The following TTN variants were observed in gnomAD, a reference collection of about 807,000 sequenced individuals.
TTN encodes connectin.
TTN carries 1,525 observed loss-of-function variants against 3,223.0 expected under a neutral mutation model. The observed-to-expected ratio is 0.47, with a 90% confidence interval of 0.45 to 0.49. The LOEUF is 0.49. TTN is among the 20% of genes least tolerant of loss of function. The pLI is 0.00. For missense variants in TTN, 40,786 were observed against 43,424.0 expected, an observed-to-expected ratio of 0.94 and a Z score of 5.40; for synonymous variants, 14,094 against 15,161.0, an observed-to-expected ratio of 0.93 and a Z score of 5.17.
At chr2:178,606,268 A>G (rs2054783606) in intron 278 of TTN, among the ~76,000 whole-genome samples, 1 of 152,100 alleles carries the variant, frequency 6.6e-6, no homozygotes, top group Non-Finnish European at 1.5e-5. Flanking sequence ...GTTGACTGTT[A>G]TTGCAACCAG....
rs371965190 is a variant in TTN, at chr2:178,565,399, A to C, written c.80733T>G (p.Ile26911Met). Residue 26911 changes from isoleucine (I) to methionine (M), a missense_variant, in exon 326 of 363, where the codon ATT becomes ATG. Physicochemically the swap from Ile to Met is conservative, Grantham distance 10. Transcript: ENST00000589042. ...IPVIGRPRPN[I>M]SWVKDGEPLK... ...GAGGCTCACCATCTTTGACCCAAGA[A>C]ATGTTAGGTCTTGGTCGGCCTATAA... 15 of 1,613,610 alleles carry C rather than the reference A, an allele frequency of 9.3e-6. No individual in the cohort carries two copies. The African/African-American group carries it at 1.9e-4, about 20-fold the overall frequency.
chr2:178,588,915 C>T lies in TTN; in HGVS notation c.62810G>A (p.Arg20937Lys). 6.2e-7 allele frequency: 1 copy of T among 1,613,006 alleles called. No individual in the cohort carries two copies. The highest frequency in any genetic ancestry group is 8.5e-7 in the Non-Finnish European group (1 of 1,179,488). ...RLIEGNEYIFRVRAENKIGTG... is the reference protein window; with the variant it reads ...RLIEGNEYIFKVRAENKIGTG... ...GCCTATTTTATTTTCTGCACGGACT[C>T]TGAAAATATATTCATTTCCTTCTAT... Residue 20937 changes from arginine (R) to lysine (K), a missense_variant, in exon 304 of 363, where the codon AGA becomes AAA. By Grantham distance (26) the Arg-to-Lys change is conservative. Transcript: ENST00000589042.
At chr2:178,679,487 G>GT (rs1377656200) in intron 141 of TTN, 71 bp from the exon 142 acceptor site, 2 of 1,589,820 alleles carry the variant, frequency 1.3e-6, no homozygotes, top group Non-Finnish European at 8.6e-7. Context: ...CACAGCTAAT[G>GT]TTTTTTAACA....
At chr2:178,729,607 G>A (rs1212984858) in intron 63 of TTN, 41 bp from the exon 64 acceptor site, 2 of 1,612,618 alleles carry the variant, frequency 1.2e-6, no homozygotes, top group African/African-American at 2.7e-5. Context: ...CTCAAGGGAA[G>A]ACCCCAAACT....
intron 20 of TTN, 77 bp downstream of exon 20, chr2:178,782,135 G>T (rs1215446297): frequency 3.1e-5 from 47 of 1,533,180 alleles, no homozygotes; most frequent in Non-Finnish European, 3.9e-5. Context: ...GGTCGGTGGG[G>T]TGAGTAAATT....
chr2:178,763,504 T>C (rs4894040), intron 43 of TTN, among the ~76,000 whole-genome samples: 8,175 of 152,294 alleles, frequency 0.054, 366 homozygotes, highest in South Asian at 0.16. Flanking sequence ...CTTGTTTTCA[T>C]AGAGCTTACC....
rs1331766060 is a variant in TTN, at chr2:178,644,603, C to G, written c.40422G>C (p.Lys13474Asn). The change falls in exon 218 of 363, where the codon AAG becomes AAC. Residue 13474 changes from lysine to asparagine, a missense_variant. Transcript: ENST00000589042. ...GAACCTGAGGTTTTTCAGGAACTTT[C>G]TTCTTTGGAATAGCTTTAAAGAATA... ...KIFQLKAIPK[K>N]KVPEKPQVPE... The G allele has an allele frequency of 1.9e-6, 3 of 1,571,874 alleles. No individual in the cohort carries two copies. Among genetic ancestry groups the G allele is most frequent in the Admixed American group, 1.9e-5 (1 of 52,204 alleles).
In TTN at chr2:178,559,319, T is replaced by C; in HGVS notation, c.86813A>G (p.Lys28938Arg). The C allele has an allele frequency of 6.3e-7, 1 of 1,589,602 alleles. No homozygotes were observed. The highest frequency in any genetic ancestry group is 8.6e-7 in the Non-Finnish European group (1 of 1,167,552). Reference protein sequence around the residue: ...GIPAETKEGVKITEKPSPPEK... With the variant: ...GIPAETKEGVRITEKPSPPEK... ...TTATTCTTAAAACATACCTGTTATT[T>C]TTACTCCTTCCTTTGTTTCAGCTGG... Residue 28938 changes from lysine (K) to arginine (R), a missense_variant, in exon 326 of 363, where the codon AAA (lysine) becomes AGA (arginine). Physicochemically the swap from Lys to Arg is conservative, Grantham distance 26. Transcript: ENST00000589042.
In TTN at chr2:178,746,540, G is replaced by A. The variant is rs774271103; in HGVS notation, c.11312-4619C>T. 8.1e-6 allele frequency: 13 copies of A among 1,613,194 alleles called. No homozygotes were observed. The East Asian group carries it at 2.5e-4, about 30-fold the overall frequency. On this transcript the variant is annotated intron_variant, in intron 47 of 362. Transcript: ENST00000589042. ...ATCAAACTCCATGACATGCTGATGTGTTACTGGAGGTGGTAGTGCCACCAC... is the reference window on the plus strand; with the variant it reads ...ATCAAACTCCATGACATGCTGATGTATTACTGGAGGTGGTAGTGCCACCAC...
Position 178,580,410 on chromosome 2 carries a change from A to G in TTN, c.66969T>C (p.Asn22323=). The change falls in exon 317 of 363, where the codon AAT becomes AAC. Residue 22323 remains asparagine (N), a synonymous_variant. Transcript: ENST00000589042. ...TDFDTFLRCE[N]VNKYDAGKYI... ...ATTTTCCTGCATCATATTTGTTCACATTTTCACAGCGCAAGAAAGTGTCAA... is the reference window on the plus strand; with the variant it reads ...ATTTTCCTGCATCATATTTGTTCACGTTTTCACAGCGCAAGAAAGTGTCAA... The G allele has an allele frequency of 6.2e-7, 1 of 1,613,200 alleles. No individual in the cohort carries two copies. Among genetic ancestry groups the G allele is most frequent in the Non-Finnish European group, 8.5e-7 (1 of 1,179,456 alleles).
At chr2:178,537,949 T>G (rs775901327) in intron 354 of TTN, 32 bp from the exon 355 acceptor site, 1 of 1,496,998 alleles carries the variant, frequency 6.7e-7, no homozygotes, top group South Asian at 1.3e-5. Flanking sequence ...ATTAAGTGAC[T>G]GTTAATACTC....
rs1343359960 is a variant in TTN, at chr2:178,750,820, C to G, written c.11311+2304G>C. The G allele has an allele frequency of 2.5e-6, 4 of 1,613,060 alleles. No individual in the cohort carries two copies. In the South Asian group the frequency reaches 3.3e-5, roughly 13 times the overall value. On this transcript the variant is annotated intron_variant, in intron 47 of 362. Transcript: ENST00000589042. Reference sequence around the variant, plus strand: ...CAGGAGTCTCATATACTTCCTCCTTCTCACATACATTAGTGATATATGTGG... The same window carrying G: ...CAGGAGTCTCATATACTTCCTCCTTGTCACATACATTAGTGATATATGTGG...
At position 178,672,074 on chromosome 2, in the gene TTN, A is replaced by G. The variant is rs1553809060; in HGVS notation, c.35124T>C (p.His11708=). 5.0e-6 allele frequency: 8 copies of G among 1,612,156 alleles called. No homozygotes were observed. Among genetic ancestry groups the G allele is most frequent in the Non-Finnish European group, 6.8e-6 (8 of 1,179,052 alleles). The change falls in exon 155 of 363, where the codon CAT becomes CAC. Residue 11708 remains histidine, a synonymous_variant. Coordinates refer to ENST00000589042, the MANE Select transcript of TTN (RefSeq NM_001267550.2). The part of the protein sequence containing the change: ...EVEEFIKLEQ[H]RVEEEHRVEK... ...CAACTCTGTGTTCTTCTTCAACTCT[A>G]TGTTGTTCTAATTTGATGAATTCTT...
chr2:178,747,337 T>G (rs1474081553), intron 47 of TTN: 2 of 1,613,234 alleles, frequency 1.2e-6, no homozygotes, highest in Non-Finnish European at 1.7e-6. Context: ...CTGTCTCACC[T>G]CCTGAATGTA....
chr2:178,671,868 T>C (rs2067047745), intron 155 of TTN, 103 bp downstream of exon 155: 3 of 1,255,970 alleles, frequency 2.4e-6, no homozygotes, highest in African/African-American at 1.5e-5. Context: ...GTTTAAAGTA[T>C]TTCATGGGGT....
rs1452172662 is a variant in TTN at position 178,685,314 on chromosome 2, C to G, written c.32409G>C (p.Glu10803Asp). ...TTTTTGGTTTCAGTACAATTTTCTT[C>G]TCCTGCCTCTCTGTCACTTGAAAAG... ...AEPAEVTERQ[E>D]KKIVLKPKIP... Residue 10803 changes from glutamate (E) to aspartate (D), a missense_variant, in exon 129 of 363, where the codon GAG (glutamate) becomes GAC (aspartate). Transcript: ENST00000589042. 3 of 1,551,408 alleles carry G rather than the reference C, an allele frequency of 1.9e-6. No individual in the cohort carries two copies. Among genetic ancestry groups the G allele is most frequent in the Non-Finnish European group, 2.6e-6 (3 of 1,147,018 alleles).
chr2:178,715,441 C>T (rs2154297842), intron 89 of TTN, 52 bp downstream of exon 89: 3 of 1,558,084 alleles, frequency 1.9e-6, no homozygotes, highest in East Asian at 4.5e-5. Context: ...GTTAAGAGGA[C>T]AATTAAAGAG....
intron 135 of TTN, among the ~76,000 whole-genome samples, chr2:178,682,115 A>G (rs1337837930): frequency 6.6e-6 from 1 of 152,012 alleles, no homozygotes; most frequent in Admixed American, 6.6e-5. Flanking sequence ...CAAAATTTCA[A>G]TAGAGATTTA....
In TTN at chr2:178,616,711, A is replaced by G; in HGVS notation, c.48160+18T>C. ...ATACTGCCAAATCACCTTAGATGAT[A>G]AATGTTTTGTTCCTTACCAATTACA... On this transcript the variant is annotated intron_variant, in intron 256 of 362. Transcript: ENST00000589042. 1 of 1,612,100 alleles carries G rather than the reference A, an allele frequency of 6.2e-7. No individual in the cohort carries two copies. Among genetic ancestry groups the G allele is most frequent in the Non-Finnish European group, 8.5e-7 (1 of 1,179,026 alleles).
Sources: allele counts gnomAD v4.1 joint callset (sites outside exome capture counted in the v4.1 genomes callset), GRCh38; gene constraint gnomAD v4.1.1; transcripts MANE v1.5; gene names NCBI Gene and HGNC (gene_info 2026-07-23, HGNC 2026-07-21).